The following AMPD3 variants were observed in gnomAD, a reference collection of about 807,000 sequenced individuals.
AMPD3 encodes the protein AMP deaminase 3.
A neutral mutation model predicts 82.3 loss-of-function variants in AMPD3; 57 were observed. That is an observed-to-expected ratio of 0.69 (90% CI 0.56 to 0.86). AMPD3 has a LOEUF of 0.86. Ranked by LOEUF, AMPD3 falls within the 40% of genes least tolerant of loss-of-function variation. The probability of loss-of-function intolerance (pLI) is 0.00; values close to 1 mark genes in which losing one functional copy is unlikely to be tolerated. For missense variants in AMPD3, 870 were observed against 1,003.8 expected, an observed-to-expected ratio of 0.87 and a Z score of 1.80; for synonymous variants, 381 against 394.7, an observed-to-expected ratio of 0.97 and a Z score of 0.41.
chr11:10,490,959 G>T (rs1849223619), intron 6 of AMPD3, among the ~76,000 whole-genome samples: 1 of 152,198 alleles, frequency 6.6e-6, no homozygotes, highest in South Asian at 2.1e-4. Flanking sequence ...AAGATTAATG[G>T]CAGGAAGGAT....
At chr11:10,474,571 G>A (rs753782277) in intron 2 of AMPD3, among the ~76,000 whole-genome samples, 7 of 152,218 alleles carry the variant, frequency 4.6e-5, no homozygotes, top group Non-Finnish European at 8.8e-5. Flanking sequence ...TAGAGCAGGT[G>A]GAGCACCAGA....
At chr11:10,477,115 C>A in intron 2 of AMPD3, 1 of 985,396 alleles carries the variant, frequency 1.0e-6, no homozygotes. Flanking sequence ...AGTGAGGATA[C>A]CTGGCCACAG....
At chr11:10,465,441 G>A (rs1164082047) in intron 2 of AMPD3, among the ~76,000 whole-genome samples, 3 of 152,198 alleles carry the variant, frequency 2.0e-5, no homozygotes, top group South Asian at 2.1e-4. Flanking sequence ...GGCCAATTAG[G>A]AACATCTCCG....
At chr11:10,470,579 C>T (rs1277864322) in intron 2 of AMPD3, among the ~76,000 whole-genome samples, 2 of 152,116 alleles carry the variant, frequency 1.3e-5, no homozygotes, top group African/African-American at 4.8e-5. Context: ...CCATCTCAGC[C>T]CCAAATCTCC....
At chr11:10,469,672 A>G (rs920291395) in intron 2 of AMPD3, among the ~76,000 whole-genome samples, 13 of 152,236 alleles carry the variant, frequency 8.5e-5, no homozygotes, top group African/African-American at 2.7e-4. Context: ...TGAGGCCAGC[A>G]TCATCCTGAT....
At position 10,482,940 on chromosome 11, in the gene AMPD3, C is replaced by T. The variant is rs148817483; in HGVS notation, c.589+715C>T. On this transcript the variant is annotated intron_variant, in intron 4 of 14. Coordinates refer to ENST00000396553, the MANE Select transcript of AMPD3 (RefSeq NM_001025389.2). The stretch of plus-strand genomic sequence containing the variant: ...TGTTCCCTGGGAAGACATGTAGGCT[C>T]TGGTGTCAAACACACCTGCATTTGT... 2.3e-4 allele frequency among the ~76,000 whole-genome samples: 35 copies of T among 152,318 alleles called. No individual in the cohort carries two copies. In the East Asian group the frequency reaches 6.7e-3, roughly 29 times the overall value.
In AMPD3 at chr11:10,493,431, C is replaced by G; in HGVS notation, c.1022C>G (p.Pro341Arg). 1 of 1,614,238 alleles carries G rather than the reference C, an allele frequency of 6.2e-7. No individual in the cohort carries two copies. The part of the protein sequence containing the change: ...RFIKHTYQTE[P>R]DRTVAEKRGR... The stretch of plus-strand genomic sequence containing the variant: ...ATCAAGCACACATACCAGACGGAGC[C>G]TGACAGGACTGTGGCAGAGAAGCGG... The change falls in exon 7 of 15, where the codon CCT (proline) becomes CGT (arginine). Residue 341 changes from proline to arginine, a missense_variant. By Grantham distance (103) the Pro-to-Arg change is moderately radical. Coordinates refer to ENST00000396553, the MANE Select transcript of AMPD3 (RefSeq NM_001025389.2).
chr11:10,487,251 C>T lies in AMPD3; in HGVS notation c.826C>T (p.Arg276Trp), dbSNP rs745918146. Residue 276 changes from arginine (R) to tryptophan (W), a missense_variant, in exon 6 of 15, where the codon CGG (arginine) becomes TGG (tryptophan). By Grantham distance (101) the Arg-to-Trp change is moderately radical. Coordinates refer to ENST00000396553, the MANE Select transcript of AMPD3 (RefSeq NM_001025389.2). Reference protein sequence around the residue: ...TDGPTKTYCHRRLNFLESKFS... With the variant: ...TDGPTKTYCHWRLNFLESKFS... ...AACTTGCAGGAAAACCTATTGTCAC[C>T]GGCGACTGAACTTTCTGGAATCCAA... 2.5e-6 allele frequency: 4 copies of T among 1,613,980 alleles called. No homozygotes were observed. Among genetic ancestry groups the T allele is most frequent in the Non-Finnish European group, 2.5e-6 (3 of 1,180,002 alleles).
chr11:10,459,727 G>T (rs11822997), intron 1 of AMPD3, among the ~76,000 whole-genome samples: 2 of 151,992 alleles, frequency 1.3e-5, no homozygotes, highest in African/African-American at 4.8e-5. Context: ...TGTTATGCTG[G>T]GGACTGTGAG....
At chr11:10,500,893 C>T in intron 11 of AMPD3, 1 of 985,448 alleles carries the variant, frequency 1.0e-6, no homozygotes, top group African/African-American at 1.7e-5. Flanking sequence ...CCACTTTCCC[C>T]TGCTGGGCCC....
Position 10,484,893 on chromosome 11 carries a change from G to A in AMPD3, c.663G>A (p.Leu221=), listed in dbSNP as rs774908569. ...ATGCACCCCCCAACCTGGATTACTT[G>A]GTCCACATGCAGGGGGGCATCCTCT... is the stretch of plus-strand genomic sequence containing the variant. ...LDDAPPNLDY[L]VHMQGGILFV... is the part of the protein sequence containing the mutation. The change falls in exon 5 of 15, where the codon TTG becomes TTA. Residue 221 remains leucine, a synonymous_variant. Transcript: ENST00000396553. 3 of 1,613,952 alleles carry A rather than the reference G, an allele frequency of 1.9e-6. No homozygotes were observed. In the African/African-American group the frequency reaches 4.0e-5, roughly 22 times the overall value.
chr11:10,472,050 T>C (rs1428444693), intron 2 of AMPD3, among the ~76,000 whole-genome samples: 5 of 152,086 alleles, frequency 3.3e-5, no homozygotes, highest in African/African-American at 1.2e-4. Flanking sequence ...CACCCAAATG[T>C]CCATCAATGA....
chr11:10,495,048 C>A lies in AMPD3; in HGVS notation c.1266+18C>A. The A allele has an allele frequency of 1.2e-6, 2 of 1,614,058 alleles. No homozygotes were observed. Among genetic ancestry groups the A allele is most frequent in the South Asian group, 2.2e-5 (2 of 91,068 alleles). Reference sequence around the variant, plus strand: ...TGGTCAAGGTGAGTGAACCCTCAGTCTCTCTGAGGCCTCTCAGGTGCCTCC... The same window carrying A: ...TGGTCAAGGTGAGTGAACCCTCAGTATCTCTGAGGCCTCTCAGGTGCCTCC... On this transcript the variant is annotated intron_variant, in intron 8 of 14. Transcript: ENST00000396553.
At chr11:10,479,018 T>C (rs919712080) in intron 3 of AMPD3, among the ~76,000 whole-genome samples, 2 of 152,106 alleles carry the variant, frequency 1.3e-5, no homozygotes, top group African/African-American at 4.8e-5. Context: ...AAAGCTGGAA[T>C]TGGTCCCTGT....
intron 2 of AMPD3, among the ~76,000 whole-genome samples, chr11:10,467,570 T>C (rs1329336774): frequency 6.6e-6 from 1 of 151,724 alleles, no homozygotes; most frequent in South Asian, 2.1e-4. Flanking sequence ...ACGGGGAGAA[T>C]CGAAACAAGT....
At chr11:10,504,253 G>GC in intron 13 of AMPD3, 1 of 984,526 alleles carries the variant, frequency 1.0e-6, no homozygotes, top group Non-Finnish European at 1.2e-6. Context: ...TAGAGGGCTT[G>GC]TCACAGGAGA....
intron 10 of AMPD3, chr11:10,497,674 A>C (rs1010544703): frequency 2.0e-6 from 2 of 985,172 alleles, no homozygotes; most frequent in Non-Finnish European, 2.4e-6. Context: ...TGTTTTAGAC[A>C]AACATATTCT....
intron 6 of AMPD3, chr11:10,488,537 C>A: frequency 3.3e-6 from 2 of 610,012 alleles, no homozygotes; most frequent in Non-Finnish European, 4.1e-6. Flanking sequence ...GGAGCTCAGG[C>A]ATTGGGAGCG....
chr11:10,481,430 G>A, intron 3 of AMPD3: 5 of 985,338 alleles, frequency 5.1e-6, no homozygotes, highest in Non-Finnish European at 6.0e-6. Context: ...GGCTTAATTA[G>A]CTGCATGTGA....
Sources: allele counts gnomAD v4.1 joint callset (sites outside exome capture counted in the v4.1 genomes callset), GRCh38; gene constraint gnomAD v4.1.1; transcripts MANE v1.5; gene names NCBI Gene and HGNC (gene_info 2026-07-23, HGNC 2026-07-21).